Variants in ANTXRL observed in about 807,000 individuals in gnomAD.
The protein encoded by ANTXRL is ANTXR like, also known as anthrax toxin receptor-like.
A neutral mutation model predicts 75.4 loss-of-function variants in ANTXRL; 63 were observed. The observed-to-expected ratio is 0.84, with a 90% CI of 0.68 to 1.03. ANTXRL has a LOEUF of 1.03. Among genes scored for constraint, ANTXRL ranks in the 50% least tolerant of loss-of-function variants. The pLI is 0.00. For synonymous variants in ANTXRL, 335 were observed against 291.3 expected (o/e 1.15, Z -1.53); for missense variants, 797 against 789.4 (o/e 1.01, Z -0.12).
intron 3 of ANTXRL, among the ~76,000 whole-genome samples, chr10:46,294,796 G>T (rs1319382844): frequency 1.3e-5 from 2 of 151,732 alleles, no homozygotes; most frequent in Admixed American, 6.6e-5. Flanking sequence ...GCCTCTTCTG[G>T]GTATGGATGG....
chr10:46,302,244 C>G (rs184495130), intron 9 of ANTXRL, among the ~76,000 whole-genome samples: 2 of 152,106 alleles, frequency 1.3e-5, no homozygotes, highest in Non-Finnish European at 2.9e-5. Context: ...GGAGAGACCT[C>G]GAATGTTCAG....
At chr10:46,319,896 A>G (rs1328320817) in intron 16 of ANTXRL, among the ~76,000 whole-genome samples, 2 of 152,176 alleles carry the variant, frequency 1.3e-5, no homozygotes, top group African/African-American at 2.4e-5. Flanking sequence ...TTCTGTAGTA[A>G]CAAAATCAGA....
intron 5 of ANTXRL, 25 bp from the exon 6 acceptor site, chr10:46,297,227 A>G (rs1837433481): frequency 6.5e-7 from 1 of 1,532,150 alleles, no homozygotes; most frequent in East Asian, 2.4e-5. Context: ...TTTGCTGAGC[A>G]GGCCACTCTT....
At chr10:46,319,739 C>G (rs1202624271) in intron 16 of ANTXRL, among the ~76,000 whole-genome samples, 1 of 152,044 alleles carries the variant, frequency 6.6e-6, no homozygotes, top group Non-Finnish European at 1.5e-5. Flanking sequence ...AGTTTGTCAT[C>G]CACCATTTAG....
intron 1 of ANTXRL, 68 bp from the exon 2 acceptor site, chr10:46,291,990 G>T: frequency 1.4e-6 from 2 of 1,433,838 alleles, no homozygotes; most frequent in Non-Finnish European, 1.9e-6. Context: ...GAGGCTGGGG[G>T]CGGGGCAGAC....
Position 46,292,156 on chromosome 10 carries a change from C to T in ANTXRL, c.320+27C>T, listed in dbSNP as rs116422238. ...TACAGATCTCTGCATGGCAGCCTCC[C>T]CTGAGCTGCAGAGAGCTTTTCTTCT... On this transcript the variant is annotated intron_variant, in intron 2 of 16. Transcript: ENST00000620264. The T allele has an allele frequency of 8.8e-4, 1,357 of 1,533,398 alleles. 13 individuals carry two copies. The African/African-American group carries it at 0.016, about 18-fold the overall frequency. 95.0% of individuals were successfully genotyped at this position (1,533,398 alleles called of 1,614,324 possible). A position where few individuals can be genotyped will look rare whatever the true frequency, so the allele number is the denominator to read the frequency against.
chr10:46,294,934 G>T (rs1467922856), intron 3 of ANTXRL, among the ~76,000 whole-genome samples: 1 of 152,096 alleles, frequency 6.6e-6, no homozygotes, highest in Non-Finnish European at 1.5e-5. Flanking sequence ...TGCTGTGCAG[G>T]CTCAGCCTGT....
At chr10:46,324,489 T>A (rs1275319417) in intron 16 of ANTXRL, among the ~76,000 whole-genome samples, 1 of 152,166 alleles carries the variant, frequency 6.6e-6, no homozygotes, top group Non-Finnish European at 1.5e-5. Context: ...TCCATTTGGC[T>A]TTTTAACTGG....
intron 16 of ANTXRL, among the ~76,000 whole-genome samples, chr10:46,315,472 G>C (rs1333880368): frequency 6.6e-6 from 1 of 152,216 alleles, no homozygotes; most frequent in Non-Finnish European, 1.5e-5. Context: ...ACTGCAGAGT[G>C]AAGAGGCCAC....
intron 3 of ANTXRL, among the ~76,000 whole-genome samples, chr10:46,295,285 G>C (rs2132675595): frequency 6.6e-6 from 1 of 152,290 alleles, no homozygotes; most frequent in Middle Eastern, 3.4e-3. Context: ...GGCTTAGCAG[G>C]ATGACTTTTC....
At chr10:46,315,399 G>A (rs1251599661) in intron 16 of ANTXRL, among the ~76,000 whole-genome samples, 3 of 152,222 alleles carry the variant, frequency 2.0e-5, no homozygotes, top group Admixed American at 6.5e-5. Flanking sequence ...AACTGCAACC[G>A]CACGGCTGTG....
intron 16 of ANTXRL, among the ~76,000 whole-genome samples, chr10:46,315,980 C>T (rs1286874509): frequency 6.6e-6 from 1 of 152,112 alleles, no homozygotes; most frequent in Non-Finnish European, 1.5e-5. Flanking sequence ...ATCCCCACTA[C>T]ACACTTATAC....
rs1554957411 is a variant in ANTXRL, at chr10:46,293,520, T to TGC, written c.321-308_321-307dup. Reference sequence around the variant, plus strand: ...TGGTGTGTGCACCTGTGTGTGTGTGTGCCTCTGTGTGTGCATGTGTGTGCA... The same window carrying TGC: ...TGGTGTGTGCACCTGTGTGTGTGTGTGCGCCTCTGTGTGTGCATGTGTGTGCA... On this transcript the variant is annotated intron_variant, in intron 2 of 16. Coordinates refer to ENST00000620264, the MANE Select transcript of ANTXRL (RefSeq NM_001278688.3). 3.5e-4 allele frequency among the ~76,000 whole-genome samples: 52 copies of TGC among 147,350 alleles called. 2 individuals carry two copies. Among genetic ancestry groups the TGC allele is most frequent in the African/African-American group, 1.2e-3 (48 of 39,530 alleles).
chr10:46,287,728 G>A (rs1352658515), intron 1 of ANTXRL, among the ~76,000 whole-genome samples: 1 of 152,088 alleles, frequency 6.6e-6, no homozygotes, highest in Non-Finnish European at 1.5e-5. Flanking sequence ...GAGGAAAAAA[G>A]CCACCAAAGG....
chr10:46,312,671 G>A (rs1266405579), intron 15 of ANTXRL, among the ~76,000 whole-genome samples: 3 of 147,552 alleles, frequency 2.0e-5, no homozygotes, highest in African/African-American at 7.5e-5. Flanking sequence ...TGCAACACAC[G>A]GCCCTCATCC....
At chr10:46,319,442 A>G (rs782207772) in intron 16 of ANTXRL, among the ~76,000 whole-genome samples, 1 of 152,176 alleles carries the variant, frequency 6.6e-6, no homozygotes, top group Non-Finnish European at 1.5e-5. Flanking sequence ...CACGGGGACT[A>G]TTAGGATGAC....
rs1554959354 is a variant in ANTXRL, at chr10:46,297,823, C to T, written c.655-8C>T. On this transcript the variant is annotated splice_polypyrimidine_tract_variant and splice_region_variant and intron_variant, in intron 7 of 16. Transcript: ENST00000620264. The stretch of plus-strand genomic sequence containing the variant: ...GTGGGGAGTCCAACCCAGCTCTGCT[C>T]TCTGTAGATAACAGCAATTGCAGAC... 1 of 1,535,716 alleles carries T rather than the reference C, an allele frequency of 6.5e-7. No individual in the cohort carries two copies. The highest frequency in any genetic ancestry group is 1.2e-5 in the South Asian group (1 of 84,000).
chr10:46,326,325 C>T (rs990804845), intron 16 of ANTXRL, among the ~76,000 whole-genome samples: 8 of 152,030 alleles, frequency 5.3e-5, no homozygotes, highest in Non-Finnish European at 1.2e-4. Context: ...GGCCCCTGAG[C>T]CCCACAGCTG....
chr10:46,293,598 TG>T (rs11379984), intron 2 of ANTXRL, among the ~76,000 whole-genome samples: 1 of 151,094 alleles, frequency 6.6e-6, no homozygotes, highest in African/African-American at 2.4e-5. Context: ...CAAGTGTCTT[TG>T]GGGTGTTGGG....
Sources: gnomAD v4.1 joint callset for allele counts (sites outside exome capture counted in the v4.1 genomes callset) on GRCh38, gnomAD v4.1.1 for gene constraint, MANE v1.5 for transcripts, NCBI Gene and HGNC (gene_info 2026-07-23, HGNC 2026-07-21) for gene names.